FOXI1: variants seen among roughly 807,000 people sequenced by gnomAD.
The protein encoded by FOXI1 is forkhead box I1, also known as forkhead box protein I1.
FOXI1 carries 11 observed loss-of-function variants against 16.4 expected under a neutral mutation model. The observed-to-expected ratio is 0.67, with a 90% CI of 0.42 to 1.11. The LOEUF is 1.11. FOXI1 is among the 50% of genes least tolerant of loss of function. FOXI1 has a pLI of 0.00. For synonymous variants in FOXI1, 218 were observed against 211.5 expected, an observed-to-expected ratio of 1.03 and a Z score of -0.27; for missense variants, 480 against 506.1, an observed-to-expected ratio of 0.95 and a Z score of 0.49.
In FOXI1 at chr5:170,108,455, C is replaced by A. The variant is rs1372631747; in HGVS notation, c.981C>A (p.Asn327Lys). 1 of 1,602,554 alleles carries A rather than the reference C, an allele frequency of 6.2e-7. No homozygotes were observed. The highest frequency in any genetic ancestry group is 1.1e-5 in the South Asian group (1 of 89,792). The change falls in exon 2 of 2, where the codon AAC (asparagine) becomes AAA (lysine). Residue 327 changes from asparagine to lysine, a missense_variant. Coordinates refer to ENST00000306268, the MANE Select transcript of FOXI1 (RefSeq NM_012188.5). ...LTFNSFSPLT[N>K]LSNHSGGGDW... ...TCAACTCCTTCTCCCCGCTCACCAA[C>A]CTCAGCAACCACAGCGGTGGGGGTG...
rs749880511 is a variant in FOXI1, at chr5:170,108,584, C to G, written c.1110C>G (p.Leu370=). Residue 370 remains leucine (L), a synonymous_variant, in exon 2 of 2, where the codon CTC becomes CTG. Coordinates refer to ENST00000306268, the MANE Select transcript of FOXI1 (RefSeq NM_012188.5). ...ACAGTGTCAACACCAGTGGTGTCCT[C>G]TACCCCAGGGAGGGCACCGAGGTCT... ...FYNSVNTSGV[L]YPREGTEV 3.1e-6 allele frequency: 5 copies of G among 1,613,462 alleles called. 1 individual carries two copies. The highest frequency in any genetic ancestry group is 3.3e-4 in the Middle Eastern group (2 of 6,084).
At position 170,106,353 on chromosome 5, in the gene FOXI1, C is replaced by T. The variant is rs962863313; in HGVS notation, c.396C>T (p.Ile132=). Reference sequence around the variant, plus strand: ...CACCCTATTCCTACTCGGCTCTCATCGCCATGGCCATCCACGGGGCACCCG... The same window carrying T: ...CACCCTATTCCTACTCGGCTCTCATTGCCATGGCCATCCACGGGGCACCCG... ...VRPPYSYSAL[I]AMAIHGAPDK... The change falls in exon 1 of 2, where the codon ATC becomes ATT. Residue 132 remains isoleucine (I), a synonymous_variant. Transcript: ENST00000306268. 18 of 1,611,370 alleles carry T rather than the reference C, an allele frequency of 1.1e-5. No homozygotes were observed. In the African/African-American group the frequency reaches 1.2e-4, roughly 11 times the overall value.
intron 1 of FOXI1, chr5:170,106,786 G>A (rs777858714): frequency 8.1e-6 from 2 of 247,960 alleles, no homozygotes; most frequent in African/African-American, 2.3e-5. Context: ...TTCCCTCATC[G>A]GAAAACCAGG....
Position 170,108,188 on chromosome 5 carries a change from C to G in FOXI1, c.714C>G (p.Leu238=), listed in dbSNP as rs1286099745. The G allele has an allele frequency of 1.9e-6, 3 of 1,614,096 alleles. No homozygotes were observed. The highest frequency in any genetic ancestry group is 2.5e-6 in the Non-Finnish European group (3 of 1,180,042). The change falls in exon 2 of 2, where the codon CTC becomes CTG. Residue 238 remains leucine, a synonymous_variant. Coordinates refer to ENST00000306268, the MANE Select transcript of FOXI1 (RefSeq NM_012188.5). ...CCTTAGAGAAGACAGAGAGCAGTCT[C>G]CCGGTGGACAGCCCCAAGACCACGG... ...SLALEKTESS[L]PVDSPKTTEP... is the part of the protein sequence containing the mutation.
At chr5:170,106,607 A>G (rs1477323522) in intron 1 of FOXI1, 76 bp downstream of exon 1, 12 of 1,576,986 alleles carry the variant, frequency 7.6e-6, no homozygotes, top group African/African-American at 1.4e-5. Flanking sequence ...CATTCTAGAA[A>G]GTTCTGACTA....
Position 170,106,377 on chromosome 5 carries a change from C to G in FOXI1, c.420C>G (p.Pro140=). Residue 140 remains proline (P), a synonymous_variant, in exon 1 of 2, where the codon CCC becomes CCG. Transcript: ENST00000306268. ...TCGCCATGGCCATCCACGGGGCACC[C>G]GACAAGCGCCTCACTCTCAGCCAGA... ...ALIAMAIHGA[P]DKRLTLSQIY... 1 of 1,613,716 alleles carries G rather than the reference C, an allele frequency of 6.2e-7. No individual in the cohort carries two copies. Among genetic ancestry groups the G allele is most frequent in the Non-Finnish European group, 8.5e-7 (1 of 1,179,798 alleles).
chr5:170,109,527 T>G lies in FOXI1; in HGVS notation c.*916T>G, dbSNP rs1261435157. The stretch of plus-strand genomic sequence containing the variant: ...CTGAATCTTCCAAGAGAAACAAGGT[T>G]GGATAAGCGCTTCCTTTTTTTTAGC... On this transcript the variant is annotated 3_prime_UTR_variant, in exon 2 of 2. Transcript: ENST00000306268. The G allele has an allele frequency of 2.8e-5, 4 of 145,034 alleles. No homozygotes were observed. The East Asian group carries it at 8.6e-4, about 31-fold the overall frequency. The allele number at this position is 145,034 out of a possible 1,614,324, so 9.0% of individuals were successfully genotyped here.
chr5:170,108,600 A>T lies in FOXI1; in HGVS notation c.1126A>T (p.Thr376Ser). ...TSGVLYPREG[T>S]EV ...TGGTGTCCTCTACCCCAGGGAGGGCACCGAGGTCTAGGTACAGAACAGCTC... is the reference window on the plus strand; with the variant it reads ...TGGTGTCCTCTACCCCAGGGAGGGCTCCGAGGTCTAGGTACAGAACAGCTC... Residue 376 changes from threonine to serine, a missense_variant, in exon 2 of 2, where the codon ACC becomes TCC. This residue lies in a region of FOXI1 where 257 missense variants were observed against 262.2 expected (regional missense o/e 0.98). Transcript: ENST00000306268. The T allele has an allele frequency of 6.2e-7, 1 of 1,612,962 alleles. No individual in the cohort carries two copies.
rs773599384 is a variant in FOXI1 at position 170,106,098 on chromosome 5, C to G, written c.141C>G (p.Pro47=). 2.5e-6 allele frequency: 4 copies of G among 1,613,358 alleles called. No homozygotes were observed. Among genetic ancestry groups the G allele is most frequent in the Non-Finnish European group, 3.4e-6 (4 of 1,179,624 alleles). The change falls in exon 1 of 2, where the codon CCC becomes CCG. Residue 47 remains proline (P), a synonymous_variant. Coordinates refer to ENST00000306268, the MANE Select transcript of FOXI1 (RefSeq NM_012188.5). ...AGGGCGTGCCCAGCCCTCAGCGGCCCTCCTTCGAGGGGGGCGGCGAGTATG... is the reference window on the plus strand; with the variant it reads ...AGGGCGTGCCCAGCCCTCAGCGGCCGTCCTTCGAGGGGGGCGGCGAGTATG... ...HPQGVPSPQR[P]SFEGGGEYGA...
In FOXI1 at chr5:170,108,190, C is replaced by G. The variant is rs371025378; in HGVS notation, c.716C>G (p.Pro239Arg). The G allele has an allele frequency of 2.5e-6, 4 of 1,614,046 alleles. No homozygotes were observed. Among genetic ancestry groups the G allele is most frequent in the African/African-American group, 1.3e-5 (1 of 74,908 alleles). Residue 239 changes from proline (P) to arginine (R), a missense_variant, in exon 2 of 2, where the codon CCG becomes CGG. This residue lies in a region of FOXI1 where 257 missense variants were observed against 262.2 expected (regional missense o/e 0.98). Transcript: ENST00000306268. Reference sequence around the variant, plus strand: ...TTAGAGAAGACAGAGAGCAGTCTCCCGGTGGACAGCCCCAAGACCACGGAG... The same window carrying G: ...TTAGAGAAGACAGAGAGCAGTCTCCGGGTGGACAGCCCCAAGACCACGGAG... ...LALEKTESSL[P>R]VDSPKTTEPQ... is the part of the protein sequence containing the mutation.
At position 170,106,305 on chromosome 5, in the gene FOXI1, G is replaced by C; in HGVS notation, c.348G>C (p.Glu116Asp). 1 of 1,591,672 alleles carries C rather than the reference G, an allele frequency of 6.3e-7. No individual in the cohort carries two copies. The highest frequency in any genetic ancestry group is 8.6e-7 in the Non-Finnish European group (1 of 1,169,242). ...DLGWLPIPSQEELMKLVRPPY... is the reference protein window; with the variant it reads ...DLGWLPIPSQDELMKLVRPPY... ...GCTGGCTGCCCATCCCCTCGCAGGA[G>C]GAGCTGATGAAGCTGGTGCGGCCAC... The change falls in exon 1 of 2, where the codon GAG becomes GAC. Residue 116 changes from glutamate (E) to aspartate (D), a missense_variant. By Grantham distance (45) the Glu-to-Asp change is conservative (BLOSUM62 2). Transcript: ENST00000306268.
rs1029569674 is a variant in FOXI1, at chr5:170,106,181, A to G, written c.224A>G (p.Tyr75Cys). Residue 75 changes from tyrosine to cysteine, a missense_variant, in exon 1 of 2, where the codon TAC (tyrosine) becomes TGC (cysteine). Tyr to Cys is a radical substitution (Grantham distance 194). This residue lies in a region of FOXI1 where 219 missense variants were observed against 222.9 expected (regional missense o/e 0.98). Transcript: ENST00000306268. ...GGGCCCACCATGACCCCGCCACCCT[A>G]CCTGCCCGGCCCCAACGCCAGCCCC... ...FNGPTMTPPP[Y>C]LPGPNASPFL... 1.3e-6 allele frequency: 2 copies of G among 1,592,622 alleles called. No individual in the cohort carries two copies. The highest frequency in any genetic ancestry group is 2.7e-5 in the African/African-American group (2 of 74,310).
chr5:170,108,675 C>A lies in FOXI1; in HGVS notation c.*64C>A. ...AGAAAAGCAGTAGAGGTCCTCCATG[C>A]CAGCCCCACGGTGGTCCATGACTGC... is the stretch of plus-strand genomic sequence containing the variant. On this transcript the variant is annotated 3_prime_UTR_variant, in exon 2 of 2. Transcript: ENST00000306268. 1.5e-6 allele frequency: 2 copies of A among 1,297,512 alleles called. No homozygotes were observed. Among genetic ancestry groups the A allele is most frequent in the African/African-American group, 2.9e-5 (2 of 68,850 alleles). The allele number at this position is 1,297,512 out of a possible 1,614,324, so 80.4% of individuals were successfully genotyped here.
chr5:170,107,966 C>A, intron 1 of FOXI1, 83 bp from the exon 2 acceptor site: 1 of 1,117,628 alleles, frequency 8.9e-7, no homozygotes, highest in Non-Finnish European at 1.4e-6. Flanking sequence ...GTCACCTTGG[C>A]TTTTAGTTTA....
chr5:170,106,284 G>T lies in FOXI1; in HGVS notation c.327G>T (p.Trp109Cys), dbSNP rs1325922143. 6.3e-7 allele frequency: 1 copy of T among 1,583,744 alleles called. No individual in the cohort carries two copies. Among genetic ancestry groups the T allele is most frequent in the East Asian group, 2.3e-5 (1 of 42,646 alleles). Residue 109 changes from tryptophan (W) to cysteine (C), a missense_variant, in exon 1 of 2, where the codon TGG (tryptophan) becomes TGT (cysteine). This residue lies in a region of FOXI1 where 219 missense variants were observed against 222.9 expected (regional missense o/e 0.98). Coordinates refer to ENST00000306268, the MANE Select transcript of FOXI1 (RefSeq NM_012188.5). Reference sequence around the variant, plus strand: ...GGCTTGGGGGGAGCGACCTGGGCTGGCTGCCCATCCCCTCGCAGGAGGAGC... The same window carrying T: ...GGCTTGGGGGGAGCGACCTGGGCTGTCTGCCCATCCCCTCGCAGGAGGAGC... ...VSGLGGSDLG[W>C]LPIPSQEELM...
At position 170,108,786 on chromosome 5, in the gene FOXI1, G is replaced by A. The variant is rs932822573; in HGVS notation, c.*175G>A. On this transcript the variant is annotated 3_prime_UTR_variant, in exon 2 of 2. Coordinates refer to ENST00000306268, the MANE Select transcript of FOXI1 (RefSeq NM_012188.5). ...TTAAGGCTTCTGTTTATCACACATA[G>A]GCCCACACACAGACTCACCAACTTT... The A allele has an allele frequency of 2.8e-5, 18 of 634,774 alleles. No individual in the cohort carries two copies. Among genetic ancestry groups the A allele is most frequent in the Admixed American group, 2.3e-4 (9 of 38,872 alleles). The allele number at this position is 634,774 out of a possible 1,614,324, so 39.3% of individuals were successfully genotyped here. A position where few individuals can be genotyped will look rare whatever the true frequency, so the allele number is the denominator to read the frequency against.
At position 170,106,522 on chromosome 5, in the gene FOXI1, G is replaced by A. The variant is rs759583461; in HGVS notation, c.565G>A (p.Asp189Asn). The change falls in exon 1 of 2, where the codon GAC (aspartate) becomes AAC (asparagine). Residue 189 changes from aspartate to asparagine, a missense_variant. By Grantham distance (23) the Asp-to-Asn change is conservative. This residue lies in a region of FOXI1 where 257 missense variants were observed against 262.2 expected (regional missense o/e 0.98). Coordinates refer to ENST00000306268, the MANE Select transcript of FOXI1 (RefSeq NM_012188.5). Reference sequence around the variant, plus strand: ...CTTCAAGAAGGTGCCCCGCGACGAGGACGACCCGGGTAAGGAGGCTTTGAG... The same window carrying A: ...CTTCAAGAAGGTGCCCCGCGACGAGAACGACCCGGGTAAGGAGGCTTTGAG... ...DCFKKVPRDEDDPGKGNYWTL... is the reference protein window; with the variant it reads ...DCFKKVPRDENDPGKGNYWTL... 3.7e-6 allele frequency: 6 copies of A among 1,614,140 alleles called. No homozygotes were observed. In the East Asian group the frequency reaches 1.3e-4, roughly 36 times the overall value.
rs377178658 is a variant in FOXI1, at chr5:170,106,446, C to T, written c.489C>T (p.Ser163=). The T allele has an allele frequency of 1.4e-5, 23 of 1,614,160 alleles. No homozygotes were observed. The highest frequency in any genetic ancestry group is 1.6e-4 in the Middle Eastern group (1 of 6,084). Reference sequence around the variant, plus strand: ...ACAACTTCCCCTTCTACAACAAGAGCAAGGCCGGCTGGCAGAACTCCATCC... The same window carrying T: ...ACAACTTCCCCTTCTACAACAAGAGTAAGGCCGGCTGGCAGAACTCCATCC... ...VADNFPFYNK[S]KAGWQNSIRH... is the part of the protein sequence containing the mutation. Residue 163 remains serine, a synonymous_variant, in exon 1 of 2, where the codon AGC becomes AGT. Coordinates refer to ENST00000306268, the MANE Select transcript of FOXI1 (RefSeq NM_012188.5).
rs1477667327 is a variant in FOXI1, at chr5:170,105,989, C to A, written c.32C>A (p.Pro11Gln). Residue 11 changes from proline to glutamine, a missense_variant, in exon 1 of 2, where the codon CCA becomes CAA. Around this residue, in one of 3 missense-constraint regions of FOXI1, gnomAD observed 219 missense variants for 222.9 expected, o/e 0.98. Coordinates refer to ENST00000306268, the MANE Select transcript of FOXI1 (RefSeq NM_012188.5). MSSFDLPAPS[P>Q]PRCSPQFPSI... ...TCCTTCGACCTGCCGGCGCCCTCCC[C>A]ACCTCGCTGCAGCCCCCAGTTCCCC... 1 of 1,611,784 alleles carries A rather than the reference C, an allele frequency of 6.2e-7. No individual in the cohort carries two copies. The highest frequency in any genetic ancestry group is 8.5e-7 in the Non-Finnish European group (1 of 1,178,484).
Sources: gnomAD v4.1 joint callset for allele counts on GRCh38, gnomAD v4.1.1 for gene constraint, gnomAD v4.1.1 regional missense constraint, MANE v1.5 for transcripts, NCBI Gene and HGNC (gene_info 2026-07-23, HGNC 2026-07-21) for gene names.